The following SLC39A11 variants were observed in gnomAD, a reference collection of about 807,000 sequenced individuals.
SLC39A11 encodes zinc transporter ZIP11.
In SLC39A11, 33 loss-of-function variants were observed where a neutral mutation model predicts 36.1. The ratio of observed to expected loss-of-function variants is 0.91; its 90% CI spans 0.69 to 1.22. The LOEUF (loss-of-function observed/expected upper bound fraction) is 1.22. Among genes scored for constraint, SLC39A11 ranks in the 50% most tolerant of loss-of-function variants. The probability of loss-of-function intolerance (pLI) is 0.00; values close to 1 mark genes in which losing one functional copy is unlikely to be tolerated. For missense variants in SLC39A11, 432 were observed against 430.3 expected (o/e 1.00, Z -0.03); for synonymous variants, 166 against 170.3 (o/e 0.97, Z 0.20).
chr17:72,716,999 A>T (rs1278147277), intron 7 of SLC39A11, among the ~76,000 whole-genome samples: 1 of 133,226 alleles, frequency 7.5e-6, no homozygotes, highest in Non-Finnish European at 1.6e-5. Context: ...ATATACACAC[A>T]CACACACACA....
rs549330277 is a variant in SLC39A11 at position 73,038,114 on chromosome 17, CTCG to C, written c.148-6403_148-6401del. Among the ~76,000 whole-genome samples the C allele has an allele frequency of 5.4e-4, 82 of 152,136 alleles. 1 individual carries two copies. The South Asian group carries it at 0.017, about 31-fold the overall frequency. On this transcript the variant is annotated intron_variant, in intron 3 of 9. Transcript: ENST00000255559. The stretch of plus-strand genomic sequence containing the variant: ...TGGCACACACCTGTAATCCCAGCTA[CTCG>C]GGAGGCTGAGACATGAGAATCACTT...
chr17:72,697,269 G>A (rs1488834704), intron 7 of SLC39A11, among the ~76,000 whole-genome samples: 1 of 152,158 alleles, frequency 6.6e-6, no homozygotes, highest in Non-Finnish European at 1.5e-5. Context: ...TTTTTGTAGA[G>A]ATGGGGTTTC....
intron 6 of SLC39A11, among the ~76,000 whole-genome samples, chr17:72,792,089 G>A (rs2076725715): frequency 6.6e-6 from 1 of 152,180 alleles, no homozygotes; most frequent in South Asian, 2.1e-4. Context: ...GCAGTGGTGA[G>A]GGAGACATCC....
chr17:72,770,200 G>A (rs996495558), intron 6 of SLC39A11, among the ~76,000 whole-genome samples: 1 of 152,210 alleles, frequency 6.6e-6, no homozygotes, highest in Non-Finnish European at 1.5e-5. Context: ...ATTATGCTAA[G>A]TGAAATGAGC....
chr17:72,780,998 ATAAATAAG>A (rs67270052), intron 6 of SLC39A11, among the ~76,000 whole-genome samples: 5,647 of 152,234 alleles, frequency 0.037, 326 homozygotes, highest in African/African-American at 0.13. Context: ...AAAAAAAGAA[ATAAATAAG>A]TAATTCCCAA....
intron 7 of SLC39A11, among the ~76,000 whole-genome samples, chr17:72,654,275 C>T (rs1015091264): frequency 9.2e-5 from 14 of 152,118 alleles, no homozygotes; most frequent in African/African-American, 3.4e-4. Context: ...AGTTAATGGC[C>T]TCACTTCTTC....
intron 5 of SLC39A11, among the ~76,000 whole-genome samples, chr17:72,940,423 G>A (rs1210906557): frequency 6.6e-6 from 1 of 152,182 alleles, no homozygotes; most frequent in African/African-American, 2.4e-5. Context: ...TTACAGGCAT[G>A]TGCCAACACG....
Position 72,655,957 on chromosome 17 carries a change from G to A in SLC39A11, c.672-6689C>T, listed in dbSNP as rs542601074. ...GGCAGCCTCCCGGGGGGCTGGTGGC[G>A]TGGAGGATGCCCCAGGCTCACCAGC... On this transcript the variant is annotated intron_variant, in intron 7 of 9. Coordinates refer to ENST00000255559, the MANE Select transcript of SLC39A11 (RefSeq NM_139177.4). 1.6e-4 allele frequency among the ~76,000 whole-genome samples: 25 copies of A among 152,238 alleles called. No individual in the cohort carries two copies. In the East Asian group the frequency reaches 4.1e-3, roughly 25 times the overall value.
At chr17:72,648,235 C>G (rs907230906) in intron 9 of SLC39A11, among the ~76,000 whole-genome samples, 20 of 150,762 alleles carry the variant, frequency 1.3e-4, no homozygotes, top group African/African-American at 4.6e-4. Context: ...GAGGCTGAGG[C>G]ATGAGAATCA....
intron 7 of SLC39A11, among the ~76,000 whole-genome samples, chr17:72,723,266 A>G (rs1463479281): frequency 6.6e-6 from 1 of 151,934 alleles, no homozygotes; most frequent in Middle Eastern, 3.2e-3. Flanking sequence ...TGCTGAAATG[A>G]GCACGTGTCT....
chr17:72,751,752 A>G (rs1300238371), intron 6 of SLC39A11, among the ~76,000 whole-genome samples: 2 of 151,994 alleles, frequency 1.3e-5, no homozygotes, highest in African/African-American at 4.8e-5. Context: ...TAATTTTGTA[A>G]TTTTGGTAGA....
At chr17:73,039,154 G>C (rs1008701553) in intron 3 of SLC39A11, among the ~76,000 whole-genome samples, 20 of 152,158 alleles carry the variant, frequency 1.3e-4, no homozygotes, top group Admixed American at 9.8e-4. Flanking sequence ...TCACAGGATT[G>C]TCCTAAGAAT....
chr17:72,901,492 T>G (rs2082393060), intron 5 of SLC39A11, among the ~76,000 whole-genome samples: 1 of 152,214 alleles, frequency 6.6e-6, no homozygotes, highest in African/African-American at 2.4e-5. Context: ...ACGGTACAGA[T>G]GAAAACACCC....
intron 5 of SLC39A11, among the ~76,000 whole-genome samples, chr17:72,850,651 G>C (rs1486656660): frequency 6.6e-6 from 1 of 152,206 alleles, no homozygotes; most frequent in African/African-American, 2.4e-5. Flanking sequence ...CTGGCCAGCT[G>C]TGTAGTGCCA....
chr17:72,987,006 G>A (rs1792253917), intron 4 of SLC39A11, among the ~76,000 whole-genome samples: 1 of 152,206 alleles, frequency 6.6e-6, no homozygotes, highest in Non-Finnish European at 1.5e-5. Flanking sequence ...CCCCAGTGCT[G>A]GAGGAGGGCC....
intron 6 of SLC39A11, among the ~76,000 whole-genome samples, chr17:72,777,856 T>C (rs963450197): frequency 8.3e-5 from 12 of 145,038 alleles, no homozygotes; most frequent in Non-Finnish European, 3.1e-5. Context: ...TGTGTATGTA[T>C]GTATGTATGT....
intron 3 of SLC39A11, among the ~76,000 whole-genome samples, chr17:73,074,595 C>T (rs1039718765): frequency 6.6e-6 from 1 of 152,134 alleles, no homozygotes; most frequent in Admixed American, 6.5e-5. Flanking sequence ...CCGTACCCAG[C>T]CATGCTACAA....
At chr17:72,834,554 G>A (rs1414818251) in intron 6 of SLC39A11, among the ~76,000 whole-genome samples, 1 of 152,042 alleles carries the variant, frequency 6.6e-6, no homozygotes, top group Non-Finnish European at 1.5e-5. Flanking sequence ...CCTGGGAGGC[G>A]GAGGTTGCAG....
intron 5 of SLC39A11, among the ~76,000 whole-genome samples, chr17:72,861,590 G>A (rs2079989920): frequency 7.0e-6 from 1 of 143,102 alleles, no homozygotes; most frequent in Non-Finnish European, 1.5e-5. Flanking sequence ...TTGACAGACA[G>A]ACAGATGGAT....
Sources: gnomAD v4.1 joint callset for allele counts (sites outside exome capture counted in the v4.1 genomes callset) on GRCh38, gnomAD v4.1.1 for gene constraint, MANE v1.5 for transcripts, NCBI Gene and HGNC (gene_info 2026-07-23, HGNC 2026-07-21) for gene names.